Variants in TRDN observed in about 807,000 individuals in gnomAD.
TRDN encodes triadin.
A neutral mutation model predicts 149.7 loss-of-function variants in TRDN; 161 were observed. The observed-to-expected ratio is 1.08, with a 90% confidence interval of 0.95 to 1.23. TRDN has a LOEUF of 1.23. Among genes scored for constraint, TRDN ranks in the 50% most tolerant of loss-of-function variants. TRDN has a pLI of 0.00. For synonymous variants in TRDN, 294 were observed against 250.5 expected, an observed-to-expected ratio of 1.17 and a Z score of -1.64; for missense variants, 896 against 823.5, an observed-to-expected ratio of 1.09 and a Z score of -1.08.
chr6:123,523,543 G>A (rs1016501181), intron 5 of TRDN, among the ~76,000 whole-genome samples: 8 of 152,138 alleles, frequency 5.3e-5, no homozygotes, highest in African/African-American at 1.7e-4. Context: ...GTAAGTGACT[G>A]GATTAGCATG....
chr6:123,391,795 A>G (rs1278947445), intron 13 of TRDN, among the ~76,000 whole-genome samples: 1 of 152,118 alleles, frequency 6.6e-6, no homozygotes, highest in Non-Finnish European at 1.5e-5. Context: ...CCATGCCACA[A>G]AGATCATGAT....
At chr6:123,269,095 T>C (rs1389679613) in intron 31 of TRDN, among the ~76,000 whole-genome samples, 1 of 152,008 alleles carries the variant, frequency 6.6e-6, no homozygotes, top group African/African-American at 2.4e-5. Flanking sequence ...AGCTTGTGTT[T>C]CACAAATGTA....
intron 21 of TRDN, among the ~76,000 whole-genome samples, chr6:123,338,516 T>C (rs1779954679): frequency 6.6e-6 from 1 of 152,120 alleles, no homozygotes; most frequent in African/African-American, 2.4e-5. Context: ...ATCTAGGCAG[T>C]CCAACTAACA....
chr6:123,630,841 T>C (rs1785955829), intron 1 of TRDN, among the ~76,000 whole-genome samples: 2 of 151,986 alleles, frequency 1.3e-5, no homozygotes, highest in African/African-American at 4.8e-5. Context: ...ATTTGCCAAA[T>C]AGCATGATCT....
chr6:123,293,450 C>T (rs895396086), intron 24 of TRDN, among the ~76,000 whole-genome samples: 10 of 152,046 alleles, frequency 6.6e-5, no homozygotes. Flanking sequence ...GGCAAGTTCC[C>T]AAGGCTGCAG....
rs185744525 is a variant in TRDN at position 123,576,358 on chromosome 6, C to A, written c.23-5226G>T. Among the ~76,000 whole-genome samples, 453 of 152,128 alleles carry A rather than the reference C, an allele frequency of 3.0e-3. 2 individuals are homozygous for A. Among genetic ancestry groups the A allele is most frequent in the Admixed American group, 6.2e-3 (95 of 15,260 alleles). On this transcript the variant is annotated intron_variant, in intron 1 of 40. Coordinates refer to ENST00000334268, the MANE Select transcript of TRDN (RefSeq NM_006073.4). The stretch of plus-strand genomic sequence containing the variant: ...TTTAATGAATGCCCTAAATTGCCAC[C>A]TTTTCTCCCAGGTTTTTGGGATATG...
intron 7 of TRDN, among the ~76,000 whole-genome samples, chr6:123,509,045 T>C (rs1779050109): frequency 1.3e-5 from 2 of 152,072 alleles, no homozygotes; most frequent in South Asian, 4.1e-4. Context: ...CATATACACA[T>C]ACATATATAT....
intron 1 of TRDN, among the ~76,000 whole-genome samples, chr6:123,587,934 G>A (rs1023071821): frequency 1.3e-5 from 2 of 152,132 alleles, no homozygotes; most frequent in Non-Finnish European, 2.9e-5. Flanking sequence ...GTTAAGGCAG[G>A]AACTGTCGAT....
At chr6:123,450,901 C>G (rs1200965613) in intron 10 of TRDN, among the ~76,000 whole-genome samples, 6 of 152,154 alleles carry the variant, frequency 3.9e-5, no homozygotes, top group Admixed American at 3.3e-4. Context: ...ATCAAGCACT[C>G]TCTCAGACCA....
intron 1 of TRDN, among the ~76,000 whole-genome samples, chr6:123,599,351 C>G (rs765119216): frequency 1.3e-5 from 2 of 151,954 alleles, no homozygotes; most frequent in Admixed American, 6.6e-5. Flanking sequence ...ATTTGAAGAG[C>G]CTTTACATTG....
intron 1 of TRDN, among the ~76,000 whole-genome samples, chr6:123,581,478 AAT>A (rs1783120146): frequency 6.6e-6 from 1 of 152,224 alleles, no homozygotes; most frequent in Non-Finnish European, 1.5e-5. Flanking sequence ...ATAGTTATTA[AAT>A]ATGAGAAATA....
At chr6:123,409,713 A>C (rs1433041433) in intron 12 of TRDN, among the ~76,000 whole-genome samples, 1 of 151,766 alleles carries the variant, frequency 6.6e-6, no homozygotes, top group Non-Finnish European at 1.5e-5. Flanking sequence ...ACACACACAC[A>C]CACCCAAAAC....
At chr6:123,631,335 T>G (rs894781369) in intron 1 of TRDN, among the ~76,000 whole-genome samples, 1 of 152,032 alleles carries the variant, frequency 6.6e-6, no homozygotes, top group Non-Finnish European at 1.5e-5. Flanking sequence ...TCTTGCATCA[T>G]GTTGACTTCT....
chr6:123,602,500 T>C (rs1020560023), intron 1 of TRDN, among the ~76,000 whole-genome samples: 4 of 151,812 alleles, frequency 2.6e-5, no homozygotes, highest in Admixed American at 1.3e-4. Context: ...AGGTGATGAG[T>C]TCACCAAAAT....
chr6:123,349,609 A>C (rs1780380995), intron 21 of TRDN: 1 of 899,538 alleles, frequency 1.1e-6, no homozygotes, highest in African/African-American at 1.8e-5. Context: ...CTTCTGTTTT[A>C]CTTCATTGAT....
chr6:123,530,471 C>A (rs893626785), intron 5 of TRDN, 35 bp downstream of exon 5: 2 of 1,158,656 alleles, frequency 1.7e-6, no homozygotes, highest in Admixed American at 3.8e-5. Context: ...AAATGTATAT[C>A]TAAATGAAGA....
intron 13 of TRDN, 105 bp downstream of exon 13, chr6:123,393,519 C>G: frequency 8.4e-6 from 8 of 957,852 alleles, no homozygotes; most frequent in Non-Finnish European, 1.1e-5. Context: ...TTGCAATATC[C>G]CAGCAGATGG....
chr6:123,366,445 A>AT (rs1781103155), intron 19 of TRDN, among the ~76,000 whole-genome samples: 1 of 152,212 alleles, frequency 6.6e-6, no homozygotes, highest in South Asian at 2.1e-4. Flanking sequence ...AAGGTGGCCT[A>AT]TTCCATAGAC....
intron 35 of TRDN, among the ~76,000 whole-genome samples, chr6:123,257,366 A>AT (rs1445640695): frequency 6.6e-6 from 1 of 152,074 alleles, no homozygotes; most frequent in East Asian, 1.9e-4. Context: ...TGGCAAGCCA[A>AT]TTTTCCCAAC....
Sources: gnomAD v4.1 joint callset for allele counts (sites outside exome capture counted in the v4.1 genomes callset) on GRCh38, gnomAD v4.1.1 for gene constraint, MANE v1.5 for transcripts, NCBI Gene and HGNC (gene_info 2026-07-23, HGNC 2026-07-21) for gene names.